Variants in PARD3B observed in about 807,000 individuals in gnomAD.
PARD3B encodes partitioning defective 3 homolog B.
PARD3B carries 103 observed loss-of-function variants against 130.2 expected under a neutral mutation model. That is an observed-to-expected ratio of 0.79 (90% CI 0.67 to 0.93). The LOEUF (loss-of-function observed/expected upper bound fraction) is 0.93. Among genes scored for constraint, PARD3B ranks in the 40% least tolerant of loss-of-function variants. The pLI, the probability that PARD3B is intolerant of heterozygous loss-of-function variation, is 0.00. For missense variants in PARD3B, 1,609 were observed against 1,499.2 expected, an observed-to-expected ratio of 1.07 and a Z score of -1.21; for synonymous variants, 583 against 553.2, an observed-to-expected ratio of 1.05 and a Z score of -0.76.
intron 2 of PARD3B, among the ~76,000 whole-genome samples, chr2:204,879,918 C>G (rs560117810): frequency 1.2e-4 from 19 of 152,294 alleles, no homozygotes; most frequent in Non-Finnish European, 2.4e-4. Flanking sequence ...TGCCAGAGAC[C>G]AGTCAGATTG....
intron 11 of PARD3B, among the ~76,000 whole-genome samples, chr2:205,163,086 G>A (rs1001609080): frequency 6.6e-6 from 1 of 152,120 alleles, no homozygotes; most frequent in Non-Finnish European, 1.5e-5. Context: ...GATATTGTAA[G>A]AACACACTGT....
chr2:205,542,198 T>TTTTAATA (rs1180192299), intron 21 of PARD3B, among the ~76,000 whole-genome samples: 2 of 146,758 alleles, frequency 1.4e-5, no homozygotes, highest in African/African-American at 5.0e-5. Context: ...TCCATAAAAT[T>TTTTAATA]TTTAATAAGA....
chr2:204,811,387 T>A (rs2042956301), intron 2 of PARD3B, among the ~76,000 whole-genome samples: 1 of 152,206 alleles, frequency 6.6e-6, no homozygotes, highest in African/African-American at 2.4e-5. Context: ...CTCTACTGGT[T>A]TGTGTATACT....
chr2:205,363,832 CTTTTTTT>C (rs59271830), intron 18 of PARD3B, among the ~76,000 whole-genome samples: 2 of 97,202 alleles, frequency 2.1e-5, no homozygotes, highest in East Asian at 2.6e-4. Flanking sequence ...GCCTGACTGA[CTTTTTTT>C]TTTTTTTTTT....
intron 18 of PARD3B, chr2:205,348,249 T>C (rs1277989162): frequency 6.6e-6 from 1 of 152,248 alleles, no homozygotes; most frequent in Non-Finnish European, 1.5e-5. Context: ...GAAGGAAAAG[T>C]ACAAGCAATA....
chr2:204,862,910 G>T (rs1206530121), intron 2 of PARD3B, among the ~76,000 whole-genome samples: 1 of 152,192 alleles, frequency 6.6e-6, no homozygotes, highest in Admixed American at 6.5e-5. Flanking sequence ...TCACCTTACA[G>T]ATTGAATCCC....
At chr2:205,403,845 C>T (rs1402643581) in intron 19 of PARD3B, among the ~76,000 whole-genome samples, 1 of 152,022 alleles carries the variant, frequency 6.6e-6, no homozygotes, top group Non-Finnish European at 1.5e-5. Context: ...ACTGAGTGGC[C>T]CAGTCTACAA....
intron 3 of PARD3B, among the ~76,000 whole-genome samples, chr2:205,001,274 C>T (rs918617459): frequency 5.9e-5 from 9 of 152,206 alleles, no homozygotes; most frequent in African/African-American, 2.2e-4. Context: ...CAGGCGTGAG[C>T]CACTGCACCC....
At chr2:204,960,429 A>T (rs1282568240) in intron 2 of PARD3B, among the ~76,000 whole-genome samples, 1 of 152,180 alleles carries the variant, frequency 6.6e-6, no homozygotes, top group East Asian at 1.9e-4. Flanking sequence ...AATTTCCCCC[A>T]GTGTTGAATA....
chr2:205,218,592 A>G (rs1416507568), intron 15 of PARD3B, among the ~76,000 whole-genome samples: 1 of 152,148 alleles, frequency 6.6e-6, no homozygotes, highest in Non-Finnish European at 1.5e-5. Flanking sequence ...TTGTAAATAG[A>G]TTTTGTAAAT....
At chr2:204,881,787 G>A (rs2046062384) in intron 2 of PARD3B, among the ~76,000 whole-genome samples, 1 of 152,216 alleles carries the variant, frequency 6.6e-6, no homozygotes, top group African/African-American at 2.4e-5. Flanking sequence ...AGAGTCAGGA[G>A]TGCTGCTGCT....
chr2:204,605,577 G>A (rs536588262), intron 1 of PARD3B, among the ~76,000 whole-genome samples: 14 of 152,128 alleles, frequency 9.2e-5, no homozygotes, highest in African/African-American at 3.1e-4. Flanking sequence ...CTGTTTAGAC[G>A]GTCTAAGGTT....
chr2:205,038,389 C>T (rs748538825), intron 3 of PARD3B, among the ~76,000 whole-genome samples: 4 of 152,118 alleles, frequency 2.6e-5, no homozygotes, highest in Non-Finnish European at 4.4e-5. Context: ...CCTCCTCTGT[C>T]GCTTTATCCT....
At chr2:204,670,651 A>T (rs1477811047) in intron 1 of PARD3B, among the ~76,000 whole-genome samples, 1 of 152,094 alleles carries the variant, frequency 6.6e-6, no homozygotes, top group Admixed American at 6.5e-5. Context: ...CTATAACTCA[A>T]GCTATACGTT....
chr2:204,931,100 G>GA (rs975568060), intron 2 of PARD3B, among the ~76,000 whole-genome samples: 65 of 150,626 alleles, frequency 4.3e-4, no homozygotes, highest in Non-Finnish European at 5.9e-4. Flanking sequence ...GTTTAATATA[G>GA]AAAAAAAAAT....
intron 22 of PARD3B, among the ~76,000 whole-genome samples, chr2:205,610,003 A>C (rs1445947411): frequency 6.6e-6 from 1 of 152,230 alleles, no homozygotes; most frequent in Non-Finnish European, 1.5e-5. Flanking sequence ...TTCTTTTAAT[A>C]AATTATAGCA....
At chr2:204,952,438 G>C (rs1362621959) in intron 2 of PARD3B, among the ~76,000 whole-genome samples, 8 of 152,120 alleles carry the variant, frequency 5.3e-5, no homozygotes, top group Non-Finnish European at 1.0e-4. Flanking sequence ...TTCCAGGTGA[G>C]TGCCTATTTA....
intron 2 of PARD3B, among the ~76,000 whole-genome samples, chr2:204,788,792 G>A (rs776544044): frequency 3.3e-5 from 5 of 152,120 alleles, no homozygotes; most frequent in Non-Finnish European, 7.4e-5. Context: ...TAGAATAATA[G>A]CAAAATAATT....
chr2:205,045,319 G>T (rs897172622), intron 3 of PARD3B, among the ~76,000 whole-genome samples: 2 of 151,416 alleles, frequency 1.3e-5, no homozygotes, highest in South Asian at 2.1e-4. Context: ...CGCTATCTGG[G>T]CTCACTGCAA....
Sources: gnomAD v4.1 joint callset for allele counts (sites outside exome capture counted in the v4.1 genomes callset) on GRCh38, gnomAD v4.1.1 for gene constraint, MANE v1.5 for transcripts, NCBI Gene and HGNC (gene_info 2026-07-23, HGNC 2026-07-21) for gene names.